DAPK1: variants seen among roughly 807,000 people sequenced by gnomAD.
The protein encoded by DAPK1 is death associated protein kinase 1.
A neutral mutation model predicts 144.9 loss-of-function variants in DAPK1; 56 were observed. The ratio of observed to expected loss-of-function variants is 0.39; its 90% CI spans 0.31 to 0.48. The LOEUF is 0.48. DAPK1 is among the 20% of genes least tolerant of loss of function. DAPK1 has a pLI of 0.95. For synonymous variants in DAPK1, 690 were observed against 749.0 expected (o/e 0.92, Z 1.29); for missense variants, 1,454 against 1,875.4 (o/e 0.78, Z 4.15).
chr9:87,579,413 C>T (rs7031264), intron 2 of DAPK1, among the ~76,000 whole-genome samples: 45,753 of 152,082 alleles, frequency 0.3, 7,210 homozygotes, highest in Middle Eastern at 0.41. Context: ...CCTAGCTTGA[C>T]ACAGTGGCAA....
chr9:87,552,058 G>T, intron 2 of DAPK1, among the ~76,000 whole-genome samples: 1 of 141,678 alleles, frequency 7.1e-6, no homozygotes, highest in South Asian at 2.2e-4. Context: ...AGCAGGCCTC[G>T]CGAGGCTGGC....
At chr9:87,512,738 G>T (rs1707618798) in intron 2 of DAPK1, among the ~76,000 whole-genome samples, 1 of 152,092 alleles carries the variant, frequency 6.6e-6, no homozygotes, top group African/African-American at 2.4e-5. Context: ...CCGCCTTCCA[G>T]GTTCAAGAGA....
chr9:87,640,002 G>T, intron 7 of DAPK1, among the ~76,000 whole-genome samples, 187 bp downstream of exon 7: 1 of 152,160 alleles, frequency 6.6e-6, no homozygotes, highest in East Asian at 1.9e-4. Flanking sequence ...TTTGAAATGA[G>T]TCATCAGAAA....
chr9:87,702,493 C>G (rs907019779), intron 24 of DAPK1, among the ~76,000 whole-genome samples: 3 of 151,966 alleles, frequency 2.0e-5, no homozygotes, highest in African/African-American at 7.3e-5. Context: ...GTGATCATTG[C>G]CTGAGTGAAA....
In DAPK1 at chr9:87,706,384, G is replaced by A. The variant is rs1338554802; in HGVS notation, c.3313G>A (p.Ala1105Thr). The change falls in exon 26 of 26, where the codon GCC becomes ACC. Residue 1105 changes from alanine (A) to threonine (T), a missense_variant. Coordinates refer to ENST00000408954, the MANE Select transcript of DAPK1 (RefSeq NM_004938.4). The surrounding 1 kb of genome is among the most constrained non-coding windows in gnomAD (Gnocchi z 9.0). The part of the protein sequence containing the change: ...LSSGTMVDVP[A>T]LIKTDNLHRS... ...CAGCGGGACCATGGTGGACGTCCCA[G>A]CCCTGATCAAGACAGACAACCTGCA... is the stretch of plus-strand genomic sequence containing the variant. 9 of 1,611,390 alleles carry A rather than the reference G, an allele frequency of 5.6e-6. No homozygotes were observed. Among genetic ancestry groups the A allele is most frequent in the Non-Finnish European group, 7.6e-6 (9 of 1,178,816 alleles).
intron 2 of DAPK1, among the ~76,000 whole-genome samples, chr9:87,593,880 C>T (rs1272012695): frequency 6.6e-6 from 1 of 152,162 alleles, no homozygotes; most frequent in Non-Finnish European, 1.5e-5. Context: ...ATGGGATTGG[C>T]TCAGGGCAAT....
intron 18 of DAPK1, among the ~76,000 whole-genome samples, chr9:87,666,723 C>T (rs1482740478): frequency 6.6e-6 from 1 of 152,122 alleles, no homozygotes; most frequent in Non-Finnish European, 1.5e-5. Flanking sequence ...ATCCACCCAC[C>T]TCAGCCTCCC....
intron 2 of DAPK1, among the ~76,000 whole-genome samples, chr9:87,500,438 G>C (rs1300614575): frequency 6.6e-6 from 1 of 152,116 alleles, no homozygotes; most frequent in Non-Finnish European, 1.5e-5. Flanking sequence ...CTTTACTGTG[G>C]TTTTCAGCAA....
intron 16 of DAPK1, 77 bp downstream of exon 16, chr9:87,650,195 G>C (rs1830398569): frequency 2.0e-6 from 3 of 1,465,554 alleles, no homozygotes; most frequent in Non-Finnish European, 2.8e-6. Context: ...TCCTCAGTTT[G>C]TTTCCCTAAG....
Position 87,603,082 on chromosome 9 carries a change from G to T in DAPK1, c.63-1872G>T, listed in dbSNP as rs537819963. 2.6e-5 allele frequency among the ~76,000 whole-genome samples: 4 copies of T among 152,276 alleles called. No homozygotes were observed. The South Asian group carries it at 8.3e-4, about 32-fold the overall frequency. On this transcript the variant is annotated intron_variant, in intron 2 of 25. Transcript: ENST00000408954. Reference sequence around the variant, plus strand: ...GCCCAGCCTCTGGAACTGTCAGCTTGGTTGTTGGTTGGCTGGGCTGGGCTG... The same window carrying T: ...GCCCAGCCTCTGGAACTGTCAGCTTTGTTGTTGGTTGGCTGGGCTGGGCTG...
chr9:87,499,318 G>C (rs911280533), intron 2 of DAPK1, 179 bp downstream of exon 2: 3 of 610,242 alleles, frequency 4.9e-6, no homozygotes, highest in Non-Finnish European at 8.8e-6. Context: ...CAAGGGCCTG[G>C]GGGTGGAGGA....
At chr9:87,647,453 A>G (rs143376285) in intron 14 of DAPK1, 50 bp downstream of exon 14, 1 of 1,495,998 alleles carries the variant, frequency 6.7e-7, no homozygotes, top group East Asian at 2.3e-5. Context: ...AAATGGATGC[A>G]TGTGAGTGTG....
intron 3 of DAPK1, among the ~76,000 whole-genome samples, chr9:87,610,882 G>A (rs1398562569): frequency 6.6e-6 from 1 of 152,164 alleles, no homozygotes; most frequent in South Asian, 2.1e-4. Context: ...TAGTATTCAC[G>A]AACAGACAAA....
At chr9:87,699,751 C>G (rs918021348) in intron 23 of DAPK1, among the ~76,000 whole-genome samples, 1 of 152,102 alleles carries the variant, frequency 6.6e-6, no homozygotes, top group African/African-American at 2.4e-5. Flanking sequence ...GCATTCACAC[C>G]TCTATTCTTA....
At chr9:87,513,355 GA>G (rs1563967577) in intron 2 of DAPK1, among the ~76,000 whole-genome samples, 1 of 152,234 alleles carries the variant, frequency 6.6e-6, no homozygotes, top group African/African-American at 2.4e-5. Flanking sequence ...ATGAAGCATG[GA>G]AAAATGTTTT....
intron 2 of DAPK1, among the ~76,000 whole-genome samples, chr9:87,509,763 C>T (rs1302972219): frequency 6.6e-6 from 1 of 152,322 alleles, no homozygotes; most frequent in East Asian, 1.9e-4. Flanking sequence ...AGTGTGTGAA[C>T]TGCTGGGAGT....
At position 87,631,319 on chromosome 9, in the gene DAPK1, T is replaced by C. The variant is rs536414976; in HGVS notation, c.285-6624T>C. Among the ~76,000 whole-genome samples, 3 of 152,282 alleles carry C rather than the reference T, an allele frequency of 2.0e-5. No individual in the cohort carries two copies. The South Asian group carries it at 6.2e-4, about 32-fold the overall frequency. On this transcript the variant is annotated intron_variant, in intron 3 of 25. Transcript: ENST00000408954. ...CTCCAGAATGTTTTAATTTAGAAAA[T>C]GGAATCTTGCAATACCTTCTCCTGC...
chr9:87,500,317 T>G (rs1461785815), intron 2 of DAPK1, among the ~76,000 whole-genome samples: 1 of 152,174 alleles, frequency 6.6e-6, no homozygotes, highest in Admixed American at 6.6e-5. Context: ...ATATTGATGA[T>G]CTGGTGAGTA....
At chr9:87,517,563 A>G (rs1002996090) in intron 2 of DAPK1, among the ~76,000 whole-genome samples, 3 of 152,102 alleles carry the variant, frequency 2.0e-5, no homozygotes, top group Non-Finnish European at 4.4e-5. Flanking sequence ...TGATCATTTC[A>G]TTAACTGGTC....
Sources: gnomAD v4.1 joint callset for allele counts (sites outside exome capture counted in the v4.1 genomes callset) on GRCh38, gnomAD v4.1.1 for gene constraint, Gnocchi (gnomAD v3.1) non-coding constraint, MANE v1.5 for transcripts, NCBI Gene and HGNC (gene_info 2026-07-23, HGNC 2026-07-21) for gene names.